The following SELENON variants were observed in gnomAD, a reference collection of about 807,000 sequenced individuals.
The protein encoded by SELENON is selenoprotein N.
A neutral mutation model predicts 59.5 loss-of-function variants in SELENON; 44 were observed. That is an observed-to-expected ratio of 0.74 (90% CI 0.58 to 0.95). The LOEUF is 0.95. SELENON is among the 40% of genes least tolerant of loss of function. The pLI is 0.00. For missense variants in SELENON, 674 were observed against 721.4 expected, an observed-to-expected ratio of 0.93 and a Z score of 0.75; for synonymous variants, 320 against 305.6, an observed-to-expected ratio of 1.05 and a Z score of -0.49.
At chr1:25,803,727 T>G (rs1309613100) in intron 3 of SELENON, among the ~76,000 whole-genome samples, 1 of 151,762 alleles carries the variant, frequency 6.6e-6, no homozygotes, top group Non-Finnish European at 1.5e-5. Flanking sequence ...TTTTTTTTTT[T>G]GAGATGGAGT....
chr1:25,814,351 T>G (rs2047992710), intron 12 of SELENON, among the ~76,000 whole-genome samples, 173 bp downstream of exon 11: 1 of 152,190 alleles, frequency 6.6e-6, no homozygotes, highest in African/African-American at 2.4e-5. Context: ...GTTGTCCCCG[T>G]GTAGAAACAG....
At position 25,812,812 on chromosome 1, in the gene SELENON, C is replaced by G; in HGVS notation, c.1387+20C>G. 6.3e-7 allele frequency: 1 copy of G among 1,575,328 alleles called. No individual in the cohort carries two copies. Among genetic ancestry groups the G allele is most frequent in the Non-Finnish European group, 8.7e-7 (1 of 1,148,726 alleles). ...GCTGAGGTGAGGGGCCCGGCTGGAT[C>G]TAAGGGGAGCAGTGGGAAAGTCCAC... is the stretch of plus-strand genomic sequence containing the variant. On this transcript the variant is annotated intron_variant, in intron 10 of 12. Transcript: ENST00000361547.
chr1:25,814,451 TGGAAG>T (rs1382047336), intron 12 of SELENON, among the ~76,000 whole-genome samples: 1 of 152,064 alleles, frequency 6.6e-6, no homozygotes, highest in Non-Finnish European at 1.5e-5. Flanking sequence ...AAACACAGCC[TGGAAG>T]GGAAGGCTCA....
intron 5 of SELENON, 102 bp downstream of exon 4, chr1:25,808,891 GC>G: frequency 6.4e-7 from 1 of 1,572,164 alleles, no homozygotes; most frequent in East Asian, 2.2e-5. Flanking sequence ...TGCTCCACCT[GC>G]TCTCCTGCCT....
intron 4 of SELENON, 72 bp from the exon 4 acceptor site, chr1:25,808,508 C>T (rs2047928141): frequency 1.3e-6 from 2 of 1,571,382 alleles, no homozygotes; most frequent in South Asian, 1.1e-5. Context: ...AGGGAGACCT[C>T]CACCCACATG....
Position 25,812,742 on chromosome 1 carries a change from T to C in SELENON, c.1337T>C (p.Leu446Pro), listed in dbSNP as rs1257737257. The C allele has an allele frequency of 2.5e-6, 4 of 1,613,550 alleles. No individual in the cohort carries two copies. The highest frequency in any genetic ancestry group is 1.7e-4 in the Middle Eastern group (1 of 5,966). ...GACCGAGCCAAGGCTGAGAACAAGC[T>C]GGTGCACTCAATCCTGCTGTGGGGG... Residue 446 changes from leucine to proline, a missense_variant, in exon 10 of 13, where the codon CTG (leucine) becomes CCG (proline). Physicochemically the swap from Leu to Pro is moderately conservative, Grantham distance 98. Transcript: ENST00000361547.
At position 25,808,705 on chromosome 1, in the gene SELENON, G is replaced by T. The variant is rs2124447373; in HGVS notation, c.663G>T (p.Trp221Cys). 1 of 1,614,122 alleles carries T rather than the reference G, an allele frequency of 6.2e-7. No individual in the cohort carries two copies. Among genetic ancestry groups the T allele is most frequent in the Non-Finnish European group, 8.5e-7 (1 of 1,179,990 alleles). ...CAGGCCAGGAGCTGGGTGAGCCCTG[G>T]TGGATCATCCCCAGTGAGCTGAGCA... Residue 221 changes from tryptophan to cysteine, a missense_variant, in exon 5 of 13, where the codon TGG becomes TGT. Physicochemically the swap from Trp to Cys is radical, Grantham distance 215. Coordinates refer to ENST00000361547, the MANE Select transcript of SELENON (RefSeq NM_020451.3).
intron 4 of SELENON, 129 bp downstream of exon 3, chr1:25,805,404 G>A (rs1004400099): frequency 7.8e-6 from 10 of 1,283,500 alleles, no homozygotes; most frequent in African/African-American, 4.4e-5. Flanking sequence ...TCCATGTGCG[G>A]TGATGTTGTC....
chr1:25,811,869 C>A lies in SELENON; in HGVS notation c.1271C>A (p.Pro424His), dbSNP rs2047963659. The A allele has an allele frequency of 1.3e-6, 2 of 1,564,682 alleles. No homozygotes were observed. Among genetic ancestry groups the A allele is most frequent in the East Asian group, 2.4e-5 (1 of 42,362 alleles). Reference sequence around the variant, plus strand: ...CGGCGCCTGGAGGTGGCCATGTACCCCTTCAAGAAGGTGAGGCTGGGCAGG... The same window carrying A: ...CGGCGCCTGGAGGTGGCCATGTACCACTTCAAGAAGGTGAGGCTGGGCAGG... The change falls in exon 9 of 13, where the codon CCC becomes CAC. Residue 424 changes from proline to histidine, a missense_variant. By Grantham distance (77) the Pro-to-His change is moderately conservative. Coordinates refer to ENST00000361547, the MANE Select transcript of SELENON (RefSeq NM_020451.3).
Position 25,807,392 on chromosome 1 carries a change from G to A in SELENON, c.538-1188G>A, listed in dbSNP as rs2047916949. Among the ~76,000 whole-genome samples, 1 of 152,066 alleles carries A rather than the reference G, an allele frequency of 6.6e-6. No homozygotes were observed. The highest frequency in any genetic ancestry group is 1.5e-5 in the Non-Finnish European group (1 of 68,034). The stretch of plus-strand genomic sequence containing the variant: ...GCCAAGGAGACAGTGCAGCAGATAG[G>A]CAGGAGTCCAGGAAGTGGTCAAAAC... On this transcript the variant is annotated intron_variant, in intron 4 of 12. Coordinates refer to ENST00000361547, the MANE Select transcript of SELENON (RefSeq NM_020451.3). The surrounding 1 kb of genome is among the most constrained non-coding windows in gnomAD (Gnocchi z 4.5).
In SELENON at chr1:25,802,018, T is replaced by C; in HGVS notation, c.304T>C (p.Ser102Pro). The change falls in exon 3 of 13, where the codon TCT (serine) becomes CCT (proline). Residue 102 changes from serine (S) to proline (P), a missense_variant and splice_region_variant. Transcript: ENST00000361547. ...CTTTTTTTTTTTTTTTGAGACAGGG[T>C]CTTGTTCTGTCACCCAGACTGGAGT... is the stretch of plus-strand genomic sequence containing the variant. 2 of 252,590 alleles carry C rather than the reference T, an allele frequency of 7.9e-6. No individual in the cohort carries two copies. Among genetic ancestry groups the C allele is most frequent in the Non-Finnish European group, 8.1e-6 (1 of 122,956 alleles). The allele number at this position is 252,590 out of a possible 1,614,324, so 15.6% of individuals were successfully genotyped here. A position where few individuals can be genotyped will look rare whatever the true frequency, so the allele number is the denominator to read the frequency against.
At position 25,815,576 on chromosome 1, in the gene SELENON, T is replaced by C; in HGVS notation, c.1631T>C (p.Leu544Ser). The change falls in exon 13 of 13, where the codon TTG (leucine) becomes TCG (serine). Residue 544 changes from leucine (L) to serine (S), a missense_variant. By Grantham distance (145) the Leu-to-Ser change is moderately radical. Coordinates refer to ENST00000361547, the MANE Select transcript of SELENON (RefSeq NM_020451.3). ...CATCACATCAATGCCAACTACTTCT[T>C]GGACATCACCTCCGTGAAGCCCGAG... 1 of 1,614,188 alleles carries C rather than the reference T, an allele frequency of 6.2e-7. No homozygotes were observed. Among genetic ancestry groups the C allele is most frequent in the East Asian group, 2.2e-5 (1 of 44,866 alleles).
intron 6 of SELENON, 33 bp from the exon 6 acceptor site, chr1:25,809,650 C>T: frequency 6.2e-7 from 1 of 1,612,036 alleles, no homozygotes; most frequent in Middle Eastern, 1.6e-4. Flanking sequence ...AGAAGGTGGG[C>T]AGCTCTGGTG....
chr1:25,807,564 C>T lies in SELENON; in HGVS notation c.538-1016C>T, dbSNP rs1445193978. Among the ~76,000 whole-genome samples the T allele has an allele frequency of 6.6e-6, 1 of 152,188 alleles. No homozygotes were observed. Among genetic ancestry groups the T allele is most frequent in the African/African-American group, 2.4e-5 (1 of 41,450 alleles). ...CCCTAGCCCTGGCCCCCGAGCAGAG[C>T]CCCAGCAAGCCCAGCACCCATCGCT... is the stretch of plus-strand genomic sequence containing the variant. On this transcript the variant is annotated intron_variant, in intron 4 of 12. Coordinates refer to ENST00000361547, the MANE Select transcript of SELENON (RefSeq NM_020451.3). The surrounding 1 kb of genome is among the most constrained non-coding windows in gnomAD (Gnocchi z 4.5).
chr1:25,812,671 C>A lies in SELENON; in HGVS notation c.1282-16C>A, dbSNP rs776212887. ...CGCTTTGATGATGGCTTCGCTCTGT[C>A]TCGGTGTGGCCCCAGGTCTCCTACT... is the stretch of plus-strand genomic sequence containing the variant. On this transcript the variant is annotated splice_polypyrimidine_tract_variant and intron_variant, in intron 9 of 12. Transcript: ENST00000361547. 4 of 1,602,662 alleles carry A rather than the reference C, an allele frequency of 2.5e-6. 1 individual carries two copies. Among genetic ancestry groups the A allele is most frequent in the Non-Finnish European group, 2.6e-6 (3 of 1,175,144 alleles).
chr1:25,804,644 G>GC (rs1242099442), intron 3 of SELENON, among the ~76,000 whole-genome samples: 24 of 61,286 alleles, frequency 3.9e-4, no homozygotes, highest in African/African-American at 1.3e-3. Context: ...TGCCCCCCCC[G>GC]CCCCCCCCCC....
At position 25,804,711 on chromosome 1, in the gene SELENON, T is replaced by C. The variant is rs189913013; in HGVS notation, c.404-431T>C. ...GTGGGTCTCCTCACTCTCAAACCAG[T>C]GCTCTCCCTATGACACCAAAGAGCC... On this transcript the variant is annotated intron_variant, in intron 3 of 12. Transcript: ENST00000361547. Among the ~76,000 whole-genome samples, 3 of 126,666 alleles carry C rather than the reference T, an allele frequency of 2.4e-5. No homozygotes were observed. In the East Asian group the frequency reaches 7.8e-4, roughly 33 times the overall value. The allele number at this position is 126,666 out of a possible 152,430, so 83.1% of individuals were successfully genotyped here.
Position 25,810,583 on chromosome 1 carries a change from T to C in SELENON, c.1010+763T>C, listed in dbSNP as rs1427933669. Among the ~76,000 whole-genome samples the C allele has an allele frequency of 3.9e-5, 6 of 152,358 alleles. No homozygotes were observed. The East Asian group carries it at 9.7e-4, about 25-fold the overall frequency. ...GGCTGTGGGCAAGGCCCTGGCCCTC[T>C]GTAGGCCTGTTTCCTCATCTGCCGG... On this transcript the variant is annotated intron_variant, in intron 7 of 12. Transcript: ENST00000361547.
At chr1:25,810,238 G>T (rs556093290) in intron 7 of SELENON, among the ~76,000 whole-genome samples, 17 of 152,340 alleles carry the variant, frequency 1.1e-4, no homozygotes, top group African/African-American at 4.1e-4. Flanking sequence ...TCTCAGCAGA[G>T]ATCAGGGCTC....
Sources: allele counts gnomAD v4.1 joint callset (sites outside exome capture counted in the v4.1 genomes callset), GRCh38; gene constraint gnomAD v4.1.1; non-coding constraint Gnocchi (gnomAD v3.1); transcripts MANE v1.5; gene names NCBI Gene and HGNC (gene_info 2026-07-23, HGNC 2026-07-21).